The following CD47 variants were observed in gnomAD, a reference collection of about 807,000 sequenced individuals.
The protein encoded by CD47 is CD47 molecule.
A neutral mutation model predicts 44.6 loss-of-function variants in CD47; 11 were observed. That is an observed-to-expected ratio of 0.25 (90% CI 0.16 to 0.41). The LOEUF (loss-of-function observed/expected upper bound fraction) is 0.41, where lower values mean the gene tolerates loss of function less well. Among genes scored for constraint, CD47 ranks in the 10% least tolerant of loss-of-function variants. The pLI is 1.00. For synonymous variants in CD47, 140 were observed against 136.3 expected (o/e 1.03, Z -0.19); for missense variants, 306 against 386.7 (o/e 0.79, Z 1.75).
intron 7 of CD47, chr3:108,054,685 A>AT (rs1376905517): frequency 4.6e-5 from 7 of 152,116 alleles, no homozygotes; most frequent in African/African-American, 1.7e-4. Flanking sequence ...TTTCAGAAAC[A>AT]TTTTTTCTAT....
chr3:108,085,769 T>C (rs920326753), intron 1 of CD47, among the ~76,000 whole-genome samples: 1 of 152,146 alleles, frequency 6.6e-6, no homozygotes, highest in Non-Finnish European at 1.5e-5. Context: ...TCCTTGTGAA[T>C]GTAAAAAGTT....
intron 1 of CD47, among the ~76,000 whole-genome samples, chr3:108,086,164 T>C (rs566639197): frequency 4.0e-5 from 6 of 151,828 alleles, no homozygotes; most frequent in African/African-American, 7.3e-5. Flanking sequence ...AAAAGATGAA[T>C]AAGAAAAATT....
intron 1 of CD47, among the ~76,000 whole-genome samples, chr3:108,081,329 T>C (rs982906704): frequency 6.6e-6 from 1 of 152,040 alleles, no homozygotes; most frequent in Non-Finnish European, 1.5e-5. Context: ...GCAACTCTTT[T>C]ACCTAAGTAG....
rs1337359862 is a variant in CD47 at position 108,059,531 on chromosome 3, T to C, written c.612A>G (p.Leu204=). 6.8e-6 allele frequency: 10 copies of C among 1,463,296 alleles called. No homozygotes were observed. The highest frequency in any genetic ancestry group is 8.3e-6 in the Non-Finnish European group (9 of 1,078,392). 90.6% of individuals were successfully genotyped at this position (1,463,296 alleles called of 1,614,324 possible). A position where few individuals can be genotyped will look rare whatever the true frequency, so the allele number is the denominator to read the frequency against. ...TTAAACCAAGGCCAGTAGCATTCTT[T>C]AATGAATATTCACCTGTCAATAAAT... ...AILFVPGEYS[L]KNATGLGLIV... is the part of the protein sequence containing the mutation. The change falls in exon 5 of 11, where the codon TTA becomes TTG. Residue 204 remains leucine (L), a synonymous_variant. Transcript: ENST00000361309.
At chr3:108,063,117 G>A (rs773788391) in intron 3 of CD47, among the ~76,000 whole-genome samples, 15 of 152,088 alleles carry the variant, frequency 9.9e-5, no homozygotes, top group South Asian at 2.1e-4. Context: ...AAAATGGTCC[G>A]TCTCTCTTTG....
At chr3:108,090,732 G>T in intron 1 of CD47, 131 bp downstream of exon 1, 2 of 712,202 alleles carry the variant, frequency 2.8e-6, no homozygotes, top group Non-Finnish European at 4.0e-6. Context: ...CACTTCGGGC[G>T]CTCAGGGCCC....
At chr3:108,058,466 A>G (rs1434491055) in intron 5 of CD47, 37 bp from the exon 6 acceptor site, 2 of 1,399,034 alleles carry the variant, frequency 1.4e-6, no homozygotes, top group Non-Finnish European at 2.0e-6. Flanking sequence ...AAGCATGTCA[A>G]GAGTATTTAA....
chr3:108,050,898 T>C, intron 8 of CD47: 1 of 395,920 alleles, frequency 2.5e-6, no homozygotes, highest in Non-Finnish European at 4.9e-6. Flanking sequence ...AATATGAAAG[T>C]GCAAGCATAA....
intron 8 of CD47, chr3:108,050,918 A>G: frequency 2.7e-6 from 1 of 370,712 alleles, no homozygotes; most frequent in Middle Eastern, 4.1e-4. Flanking sequence ...AATAGCAACA[A>G]CAGAATAAAT....
intron 2 of CD47, 83 bp downstream of exon 2, chr3:108,079,908 C>T (rs75680983): frequency 0.03 from 23,278 of 782,898 alleles, 427 homozygotes; most frequent in African/African-American, 0.064. Flanking sequence ...CAAAGGAGTA[C>T]CTATCCCCAT....
chr3:108,065,545 G>T (rs1265022475), intron 3 of CD47, among the ~76,000 whole-genome samples: 1 of 152,100 alleles, frequency 6.6e-6, no homozygotes, highest in Non-Finnish European at 1.5e-5. Context: ...ATGCATGGTG[G>T]CTAATGCCTG....
At chr3:108,067,747 T>C (rs184431980) in intron 3 of CD47, among the ~76,000 whole-genome samples, 1 of 152,346 alleles carries the variant, frequency 6.6e-6, no homozygotes, top group Admixed American at 6.5e-5. Context: ...AACATTTCCC[T>C]GTAAGAGGCC....
At chr3:108,067,029 C>G (rs1397060994) in intron 3 of CD47, among the ~76,000 whole-genome samples, 1 of 152,130 alleles carries the variant, frequency 6.6e-6, no homozygotes, top group Non-Finnish European at 1.5e-5. Context: ...ATTCACCAAG[C>G]CATAGAGAAG....
At chr3:108,065,135 T>C (rs761443726) in intron 3 of CD47, among the ~76,000 whole-genome samples, 1 of 152,210 alleles carries the variant, frequency 6.6e-6, no homozygotes, top group African/African-American at 2.4e-5. Context: ...CTTGCTCTAA[T>C]GAAACAATTT....
intron 1 of CD47, among the ~76,000 whole-genome samples, chr3:108,085,400 A>T (rs2079500504): frequency 6.6e-6 from 1 of 152,136 alleles, no homozygotes; most frequent in East Asian, 1.9e-4. Context: ...GTGCATAGTG[A>T]TGGTATATAC....
rs1472192629 is a variant in CD47 at position 108,074,064 on chromosome 3, G to A, written c.401-2882C>T. ...GTAGCAAGTTTTAGCTTGATTTAAG[G>A]AAGAACTGAAATTGCCTGATAACAG... On this transcript the variant is annotated intron_variant, in intron 2 of 10. Coordinates refer to ENST00000361309, the MANE Select transcript of CD47 (RefSeq NM_001777.4). 7.9e-5 allele frequency among the ~76,000 whole-genome samples: 12 copies of A among 152,190 alleles called. 1 individual carries two copies. The highest frequency in any genetic ancestry group is 7.9e-4 in the Admixed American group (12 of 15,276).
chr3:108,080,009 C>T lies in CD47; in HGVS notation c.382G>A (p.Glu128Lys), dbSNP rs1294565690. 1.1e-5 allele frequency: 18 copies of T among 1,607,000 alleles called. No homozygotes were observed. The highest frequency in any genetic ancestry group is 1.4e-5 in the Non-Finnish European group (17 of 1,175,498). ...GTCTTACCAACACGATATTTTAGCT[C>T]GATGATCGTTTCACCTTCTCTGGTT... is the stretch of plus-strand genomic sequence containing the variant. ...ELTREGETII[E>K]LKYRVVSWFS... is the part of the protein sequence containing the mutation. The change falls in exon 2 of 11, where the codon GAG (glutamate) becomes AAG (lysine). Residue 128 changes from glutamate (E) to lysine (K), a missense_variant. Glu to Lys is a moderately conservative substitution (Grantham distance 56). This residue lies in a region of CD47 where 65 missense variants were observed against 119.9 expected (regional missense o/e 0.54). Coordinates refer to ENST00000361309, the MANE Select transcript of CD47 (RefSeq NM_001777.4).
intron 1 of CD47, among the ~76,000 whole-genome samples, chr3:108,082,698 G>A (rs999144303): frequency 5.3e-5 from 8 of 151,886 alleles, no homozygotes; most frequent in Non-Finnish European, 7.4e-5. Flanking sequence ...AGTAGTTGGT[G>A]AACAATCCAC....
chr3:108,065,336 T>C (rs1003139158), intron 3 of CD47, among the ~76,000 whole-genome samples: 4 of 152,180 alleles, frequency 2.6e-5, no homozygotes. Flanking sequence ...GAGAAGGTTG[T>C]GATGTCTGGA....
Sources: gnomAD v4.1 joint callset for allele counts (sites outside exome capture counted in the v4.1 genomes callset) on GRCh38, gnomAD v4.1.1 for gene constraint, gnomAD v4.1.1 regional missense constraint, MANE v1.5 for transcripts, NCBI Gene and HGNC (gene_info 2026-07-23, HGNC 2026-07-21) for gene names.